TRPM8: variants seen among roughly 807,000 people sequenced by gnomAD.
The protein encoded by TRPM8 is transient receptor potential cation channel subfamily M member 8, also known as TRPM8 cationic channel.
In TRPM8, 110 loss-of-function variants were observed where a neutral mutation model predicts 133.7. The ratio of observed to expected loss-of-function variants is 0.82; its 90% CI spans 0.70 to 0.96. TRPM8 has a LOEUF of 0.96. Among genes scored for constraint, TRPM8 ranks in the 40% least tolerant of loss-of-function variants. The probability of loss-of-function intolerance (pLI) is 0.00; values close to 1 mark genes in which losing one functional copy is unlikely to be tolerated. For synonymous variants in TRPM8, 535 were observed against 532.3 expected, an observed-to-expected ratio of 1.01 and a Z score of -0.07; for missense variants, 1,291 against 1,379.5, an observed-to-expected ratio of 0.94 and a Z score of 1.02.
At chr2:233,938,639 C>T (rs1329257171) in intron 4 of TRPM8, among the ~76,000 whole-genome samples, 1 of 151,838 alleles carries the variant, frequency 6.6e-6, no homozygotes, top group East Asian at 1.9e-4. Flanking sequence ...AGATAAGAGA[C>T]AAATAGTAGC....
chr2:233,967,838 C>T (rs1559533439), intron 15 of TRPM8, among the ~76,000 whole-genome samples: 2 of 151,990 alleles, frequency 1.3e-5, no homozygotes, highest in African/African-American at 4.8e-5. Flanking sequence ...AGGTGGGTCA[C>T]ACTCTACTTA....
chr2:233,997,441 T>G (rs1030470371), intron 22 of TRPM8, among the ~76,000 whole-genome samples: 1 of 152,160 alleles, frequency 6.6e-6, no homozygotes, highest in Non-Finnish European at 1.5e-5. Flanking sequence ...ATTCACCAGC[T>G]GTGGGGACTG....
chr2:233,937,603 C>A, intron 4 of TRPM8, 94 bp downstream of exon 4: 1 of 1,401,020 alleles, frequency 7.1e-7, no homozygotes, highest in Non-Finnish European at 9.7e-7. Flanking sequence ...AGGATGGAGG[C>A]AGGAGAGATG....
intron 3 of TRPM8, among the ~76,000 whole-genome samples, chr2:233,932,476 T>C (rs1691699884): frequency 6.6e-6 from 1 of 152,126 alleles, no homozygotes. Context: ...CAGTGGAATA[T>C]GTTGATTGGC....
Position 233,952,615 on chromosome 2 carries a change from G to A in TRPM8, c.1141-1302G>A, listed in dbSNP as rs372858552. Among the ~76,000 whole-genome samples, 6 of 151,960 alleles carry A rather than the reference G, an allele frequency of 3.9e-5. No individual in the cohort carries two copies. In the East Asian group the frequency reaches 7.8e-4, roughly 20 times the overall value. On this transcript the variant is annotated intron_variant, in intron 9 of 25. Coordinates refer to ENST00000324695, the MANE Select transcript of TRPM8 (RefSeq NM_024080.5). ...CAGCCCAGGAGGCTCCCTGAGCCCC[G>A]TTTGGTCTTGTTCAAGTGTAATGGG...
intron 22 of TRPM8, among the ~76,000 whole-genome samples, chr2:234,004,815 G>C (rs1482497985): frequency 6.6e-6 from 1 of 152,098 alleles, no homozygotes; most frequent in Non-Finnish European, 1.5e-5. Context: ...TGTTATTTTT[G>C]TGTGGGTGTA....
chr2:233,958,964 C>T (rs1169570090), intron 11 of TRPM8, among the ~76,000 whole-genome samples: 1 of 147,480 alleles, frequency 6.8e-6, no homozygotes, highest in African/African-American at 2.5e-5. Context: ...GCAGCTGCCC[C>T]TTGGCTCCCA....
chr2:233,927,904 TTCTTTCTC>T (rs1353814513), intron 2 of TRPM8, among the ~76,000 whole-genome samples: 7 of 60,182 alleles, frequency 1.2e-4, no homozygotes, highest in East Asian at 9.2e-4. Flanking sequence ...CTTTCTTTCT[TTCTTTCTC>T]TCTCTCTCTC....
At chr2:233,954,367 C>T (rs145784795) in intron 10 of TRPM8, among the ~76,000 whole-genome samples, 9 of 152,346 alleles carry the variant, frequency 5.9e-5, no homozygotes, top group African/African-American at 1.9e-4. Context: ...TCCTAGCATT[C>T]TACATATTTG....
chr2:233,965,053 T>TCG (rs1468632125), intron 14 of TRPM8, among the ~76,000 whole-genome samples: 7 of 123,670 alleles, frequency 5.7e-5, no homozygotes, highest in African/African-American at 1.6e-4. Context: ...CTTTTTTTTG[T>TCG]GGGGGGGGGG....
At position 234,018,956 on chromosome 2, in the gene TRPM8, T is replaced by C. The variant is rs1334286837; in HGVS notation, c.*1700T>C. ...GAACACCTGTAGTCCCAGCTTTCTC[T>C]GGAAGTGGTCGTATTTGAGCAGGAT... On this transcript the variant is annotated 3_prime_UTR_variant, in exon 26 of 26. Transcript: ENST00000324695. 1 of 152,106 alleles carries C rather than the reference T, an allele frequency of 6.6e-6. No homozygotes were observed. Among genetic ancestry groups the C allele is most frequent in the Non-Finnish European group, 1.5e-5 (1 of 68,028 alleles). 9.4% of individuals were successfully genotyped at this position (152,106 alleles called of 1,614,324 possible). A position where few individuals can be genotyped will look rare whatever the true frequency, so the allele number is the denominator to read the frequency against.
In TRPM8 at chr2:233,963,289, C is replaced by A; in HGVS notation, c.1661C>A (p.Ser554Tyr). The change falls in exon 13 of 26, where the codon TCT becomes TAT. Residue 554 changes from serine (S) to tyrosine (Y), a missense_variant. Ser to Tyr is a moderately radical substitution (Grantham distance 144, BLOSUM62 -2). Transcript: ENST00000324695. ...CATGCTCTAACCCCCCAGGACGTGT[C>A]TCCTATTACTCGGCACCCCCTGCAA... The part of the protein sequence containing the change: ...DEMDIELHDV[S>Y]PITRHPLQAL... 6.2e-7 allele frequency: 1 copy of A among 1,612,046 alleles called. No individual in the cohort carries two copies. Among genetic ancestry groups the A allele is most frequent in the Non-Finnish European group, 8.5e-7 (1 of 1,178,448 alleles).
chr2:233,979,239 C>G (rs532486975), intron 17 of TRPM8, among the ~76,000 whole-genome samples: 1 of 152,178 alleles, frequency 6.6e-6, no homozygotes, highest in African/African-American at 2.4e-5. Context: ...TGTGAATTCA[C>G]GTAGGGCCTC....
At chr2:233,974,406 G>A (rs1398281817) in intron 17 of TRPM8, among the ~76,000 whole-genome samples, 4 of 152,064 alleles carry the variant, frequency 2.6e-5, no homozygotes, top group Admixed American at 2.6e-4. Context: ...GCTAATTTTT[G>A]TATTTTTAGT....
At position 233,946,138 on chromosome 2, in the gene TRPM8, A is replaced by T. The variant is rs1691038606; in HGVS notation, c.874+108A>T. On this transcript the variant is annotated intron_variant, in intron 7 of 25. Transcript: ENST00000324695. The stretch of plus-strand genomic sequence containing the variant: ...GAGTGATGCGTGAGAAACACACCTG[A>T]TCAGGTATTTTTATTGCCAAAGAAC... The T allele has an allele frequency of 8.3e-6, 9 of 1,086,882 alleles. No homozygotes were observed. The South Asian group carries it at 1.4e-4, about 17-fold the overall frequency. The allele number at this position is 1,086,882 out of a possible 1,614,324, so 67.3% of individuals were successfully genotyped here.
intron 5 of TRPM8, 91 bp downstream of exon 5, chr2:233,939,266 A>ATTCTCCG: frequency 7.1e-7 from 1 of 1,408,028 alleles, no homozygotes; most frequent in Non-Finnish European, 9.7e-7. Flanking sequence ...GCAATTCCGG[A>ATTCTCCG]GAATCCGGGT....
chr2:233,940,600 A>T (rs780413772), intron 5 of TRPM8, among the ~76,000 whole-genome samples: 1 of 152,164 alleles, frequency 6.6e-6, no homozygotes, highest in Non-Finnish European at 1.5e-5. Flanking sequence ...GAGGAAGTTG[A>T]ATAGTTTCAT....
At chr2:233,926,321 T>A (rs977164594) in intron 1 of TRPM8, among the ~76,000 whole-genome samples, 2 of 151,838 alleles carry the variant, frequency 1.3e-5, no homozygotes, top group African/African-American at 4.8e-5. Flanking sequence ...CCAGGGAGGA[T>A]GGGCTGAGGG....
chr2:233,926,718 T>A (rs1691525271), intron 2 of TRPM8, 64 bp downstream of exon 2: 2 of 1,263,414 alleles, frequency 1.6e-6, no homozygotes, highest in East Asian at 2.3e-5. Context: ...CGTCAAATCC[T>A]GCATTTGCAC....
Sources: allele counts gnomAD v4.1 joint callset (sites outside exome capture counted in the v4.1 genomes callset), GRCh38; gene constraint gnomAD v4.1.1; transcripts MANE v1.5; gene names NCBI Gene and HGNC (gene_info 2026-07-23, HGNC 2026-07-21).